Variants in PLAC9 observed in about 807,000 individuals in gnomAD.
PLAC9 encodes placenta associated 9.
PLAC9 carries 12 observed loss-of-function variants against 11.5 expected under a neutral mutation model. That is an observed-to-expected ratio of 1.05 (90% CI 0.67 to 1.69). The LOEUF is 1.69. PLAC9 is among the 40% of genes most tolerant of loss of function. PLAC9 has a pLI of 0.00. For missense variants in PLAC9, 132 were observed against 130.5 expected, an observed-to-expected ratio of 1.01 and a Z score of -0.06; for synonymous variants, 62 against 58.1, an observed-to-expected ratio of 1.07 and a Z score of -0.31.
chr10:80,132,882 G>T, intron 1 of PLAC9, 56 bp downstream of exon 1: 1 of 1,398,956 alleles, frequency 7.1e-7, no homozygotes, highest in Non-Finnish European at 9.4e-7. Flanking sequence ...CCCGCAGATG[G>T]CGAGGAAGGA....
Position 80,144,322 on chromosome 10 carries a change from C to A in PLAC9, c.262C>A (p.Pro88Thr). 1 of 1,609,196 alleles carries A rather than the reference C, an allele frequency of 6.2e-7. No individual in the cohort carries two copies. The highest frequency in any genetic ancestry group is 8.5e-7 in the Non-Finnish European group (1 of 1,179,638). ...AWNLPPGPFSPAPDLLGDGF is the reference protein window; with the variant it reads ...AWNLPPGPFSTAPDLLGDGF The stretch of plus-strand genomic sequence containing the variant: ...GAACCTGCCCCCGGGACCCTTCAGC[C>A]CCGCTCCCGACCTTCTCGGAGGTGA... Residue 88 changes from proline to threonine, a missense_variant, in exon 3 of 4, where the codon CCC becomes ACC. Pro to Thr is a conservative substitution (Grantham distance 38). Transcript: ENST00000372263.
chr10:80,132,270 C>A (rs1317124417), upstream of PLAC9, among the ~76,000 whole-genome samples: 1 of 152,172 alleles, frequency 6.6e-6, no homozygotes, highest in Non-Finnish European at 1.5e-5. Context: ...GAATTAATTT[C>A]TTGTTCGTAG....
In PLAC9 at chr10:80,144,329, C is replaced by T; in HGVS notation, c.269C>T (p.Pro90Leu). The change falls in exon 3 of 4, where the codon CCC becomes CTC. Residue 90 changes from proline (P) to leucine (L), a missense_variant. By Grantham distance (98) the Pro-to-Leu change is moderately conservative (BLOSUM62 -3). Coordinates refer to ENST00000372263, the MANE Select transcript of PLAC9 (RefSeq NM_001012973.3). The stretch of plus-strand genomic sequence containing the variant: ...CCCCCGGGACCCTTCAGCCCCGCTC[C>T]CGACCTTCTCGGAGGTGAGCAGTGC... ...NLPPGPFSPA[P>L]DLLGDGF is the part of the protein sequence containing the mutation. The T allele has an allele frequency of 6.2e-7, 1 of 1,606,420 alleles. No individual in the cohort carries two copies.
At chr10:80,144,013 C>G in intron 2 of PLAC9, 1 of 619,280 alleles carries the variant, frequency 1.6e-6, no homozygotes, top group South Asian at 1.9e-5. Flanking sequence ...AAAGAAGGAG[C>G]CTTAGAGAGC....
upstream of PLAC9, chr10:80,132,643 T>C: frequency 1.3e-6 from 1 of 795,182 alleles, no homozygotes; most frequent in South Asian, 2.2e-5. Context: ...AGCCAGAAAG[T>C]CCGGAGCCGC....
intron 1 of PLAC9, among the ~76,000 whole-genome samples, chr10:80,136,335 G>T (rs1478140593): frequency 1.3e-5 from 2 of 152,188 alleles, no homozygotes; most frequent in Non-Finnish European, 2.9e-5. Context: ...CGGGAGGAAA[G>T]GAAGGAAGGG....
At chr10:80,139,478 C>A (rs1845016174) in intron 1 of PLAC9, among the ~76,000 whole-genome samples, 1 of 152,198 alleles carries the variant, frequency 6.6e-6, no homozygotes, top group Non-Finnish European at 1.5e-5. Flanking sequence ...CAGCTCCATC[C>A]AGCCATCTGT....
chr10:80,136,094 G>A (rs1164505133), intron 1 of PLAC9, among the ~76,000 whole-genome samples: 2 of 152,152 alleles, frequency 1.3e-5, no homozygotes, highest in African/African-American at 2.4e-5. Flanking sequence ...CCGTACTTCC[G>A]CCTCAGAGGA....
intron 1 of PLAC9, among the ~76,000 whole-genome samples, chr10:80,135,105 C>T (rs1166481463): frequency 5.7e-4 from 83 of 146,612 alleles, no homozygotes; most frequent in South Asian, 3.5e-3. Context: ...CTGCAAGCTC[C>T]GCCTCCCGGG....
chr10:80,134,139 A>G (rs1192630055), intron 1 of PLAC9, among the ~76,000 whole-genome samples: 1 of 151,798 alleles, frequency 6.6e-6, no homozygotes, highest in Non-Finnish European at 1.5e-5. Flanking sequence ...ATACTTATCA[A>G]CGCTGCTTCA....
intron 2 of PLAC9, 185 bp from the exon 3 acceptor site, chr10:80,144,038 A>C: frequency 1.4e-6 from 1 of 736,962 alleles, no homozygotes. Context: ...CCCCTAGGAT[A>C]TTGTCATCTG....
At chr10:80,132,246 G>A (rs2819885), upstream of PLAC9, among the ~76,000 whole-genome samples, 70,733 of 152,034 alleles carry the variant, frequency 0.47, 18,739 homozygotes, top group Non-Finnish European at 0.59. Flanking sequence ...GGCAGACACT[G>A]TTCCATGTAA....
Position 80,144,996 on chromosome 10 carries a change from C to G in PLAC9, c.*86C>G. The G allele has an allele frequency of 4.0e-6, 6 of 1,484,282 alleles. No homozygotes were observed. The highest frequency in any genetic ancestry group is 5.5e-6 in the Non-Finnish European group (6 of 1,085,332). 91.9% of individuals were successfully genotyped at this position (1,484,282 alleles called of 1,614,324 possible). A position where few individuals can be genotyped will look rare whatever the true frequency, so the allele number is the denominator to read the frequency against. On this transcript the variant is annotated 3_prime_UTR_variant, in exon 4 of 4. Coordinates refer to ENST00000372263, the MANE Select transcript of PLAC9 (RefSeq NM_001012973.3). ...CCAGCCCTGTCCTCTCGACTTCCTT[C>G]CTTAGCTTCATGTGAAATAAAAGCT...
rs1564590926 is a variant in PLAC9, at chr10:80,143,388, A to ATTT, written c.163-835_163-834insTTT. On this transcript the variant is annotated intron_variant, in intron 2 of 3. Coordinates refer to ENST00000372263, the MANE Select transcript of PLAC9 (RefSeq NM_001012973.3). ...CAAAAAGTTTAATTTTAAATACTTG[A>ATTT]ATTTTTTTTTTTTTTTTTTTTTTTT... Among the ~76,000 whole-genome samples the ATTT allele has an allele frequency of 1.0e-4, 8 of 76,996 alleles. No homozygotes were observed. In the East Asian group the frequency reaches 1.8e-3, roughly 17 times the overall value. 50.5% of individuals were successfully genotyped at this position (76,996 alleles called of 152,430 possible). A position where few individuals can be genotyped will look rare whatever the true frequency, so the allele number is the denominator to read the frequency against.
Position 80,134,689 on chromosome 10 carries a change from A to G in PLAC9, c.64+1863A>G, listed in dbSNP as rs148039166. Among the ~76,000 whole-genome samples the G allele has an allele frequency of 1.4e-4, 21 of 152,358 alleles. No individual in the cohort carries two copies. The East Asian group carries it at 4.0e-3, about 29-fold the overall frequency. On this transcript the variant is annotated intron_variant, in intron 1 of 3. Transcript: ENST00000372263. ...ACTGTGTGTGATTGAATATCATTAA[A>G]TATTCAATCACTGTTCAAATGTCCT...
chr10:80,132,654 C>T, upstream of PLAC9: 1 of 912,104 alleles, frequency 1.1e-6, no homozygotes, highest in South Asian at 1.9e-5. Flanking sequence ...CCGGAGCCGC[C>T]CAGGAATTTT....
At chr10:80,140,952 T>A (rs1314557571) in intron 1 of PLAC9, among the ~76,000 whole-genome samples, 3 of 152,100 alleles carry the variant, frequency 2.0e-5, no homozygotes, top group African/African-American at 7.2e-5. Context: ...TGCTTATGAG[T>A]AGTGACTTTG....
At chr10:80,136,173 G>C (rs556787522) in intron 1 of PLAC9, among the ~76,000 whole-genome samples, 1 of 152,142 alleles carries the variant, frequency 6.6e-6, no homozygotes, top group African/African-American at 2.4e-5. Flanking sequence ...TGGGGCCTCC[G>C]GGCTCCACAG....
intron 2 of PLAC9, among the ~76,000 whole-genome samples, chr10:80,143,543 C>T (rs1467904374): frequency 2.7e-5 from 4 of 149,566 alleles, no homozygotes; most frequent in African/African-American, 7.4e-5. Flanking sequence ...ACTACAGACG[C>T]GCACCACCAT....
Sources: allele counts gnomAD v4.1 joint callset (sites outside exome capture counted in the v4.1 genomes callset), GRCh38; gene constraint gnomAD v4.1.1; transcripts MANE v1.5; gene names NCBI Gene and HGNC (gene_info 2026-07-23, HGNC 2026-07-21).